The following DOCK10 variants were observed in gnomAD, a reference collection of about 807,000 sequenced individuals.
DOCK10 encodes the protein dedicator of cytokinesis 10, also known as dedicator of cytokinesis protein 10.
In DOCK10, 145 loss-of-function variants were observed where a neutral mutation model predicts 280.1. The observed-to-expected ratio is 0.52, with a 90% confidence interval of 0.45 to 0.59. The LOEUF (loss-of-function observed/expected upper bound fraction) is 0.59. Ranked by LOEUF, DOCK10 falls within the 20% of genes least tolerant of loss-of-function variation. The pLI is 0.00. For missense variants in DOCK10, 2,368 were observed against 2,651.7 expected (o/e 0.89, Z 2.35); for synonymous variants, 915 against 942.2 (o/e 0.97, Z 0.53).
intron 2 of DOCK10, among the ~76,000 whole-genome samples, chr2:224,924,559 A>G (rs1171056589): frequency 6.6e-6 from 1 of 152,212 alleles, no homozygotes; most frequent in Non-Finnish European, 1.5e-5. Context: ...TAATAATGAC[A>G]TTCCATTTTA....
At chr2:225,000,199 C>T (rs1275491546) in intron 1 of DOCK10, among the ~76,000 whole-genome samples, 2 of 125,632 alleles carry the variant, frequency 1.6e-5, no homozygotes, top group Non-Finnish European at 3.5e-5. Context: ...GTCACACACA[C>T]ACACAGACAC....
At chr2:224,930,816 T>C (rs1342345104) in intron 2 of DOCK10, among the ~76,000 whole-genome samples, 1 of 152,234 alleles carries the variant, frequency 6.6e-6, no homozygotes, top group Admixed American at 6.5e-5. Context: ...GAAAGTTTAA[T>C]AGCTGCCCAT....
intron 44 of DOCK10, 34 bp downstream of exon 44, chr2:224,796,282 A>T: frequency 7.5e-7 from 1 of 1,325,288 alleles, no homozygotes; most frequent in Non-Finnish European, 1.1e-6. Context: ...ATTTAAAAAA[A>T]TTCTGCAGTA....
chr2:225,006,978 AG>A (rs1689288457), intron 1 of DOCK10, among the ~76,000 whole-genome samples: 1 of 152,228 alleles, frequency 6.6e-6, no homozygotes, highest in Admixed American at 6.5e-5. Context: ...GTGTGAAGAC[AG>A]GCTAGAAGGT....
At chr2:224,793,377 C>A in intron 46 of DOCK10, 23 bp downstream of exon 46, 1 of 1,595,080 alleles carries the variant, frequency 6.3e-7, no homozygotes, top group Non-Finnish European at 8.5e-7. Flanking sequence ...AGGCTTTTTG[C>A]CTCCCTCATG....
intron 1 of DOCK10, among the ~76,000 whole-genome samples, chr2:225,041,703 C>T (rs1004648856): frequency 4.6e-5 from 7 of 152,150 alleles, no homozygotes; most frequent in African/African-American, 1.4e-4. Context: ...TTTTACCCTG[C>T]GGTGGGAGGG....
At chr2:224,879,954 G>A (rs1357191005) in intron 7 of DOCK10, among the ~76,000 whole-genome samples, 4 of 152,114 alleles carry the variant, frequency 2.6e-5, no homozygotes, top group Non-Finnish European at 4.4e-5. Flanking sequence ...TGCAAATAAT[G>A]TTAAAAGGGA....
chr2:224,865,072 C>G lies in DOCK10; in HGVS notation c.1273G>C (p.Val425Leu). 6.2e-7 allele frequency: 1 copy of G among 1,608,010 alleles called. No individual in the cohort carries two copies. The highest frequency in any genetic ancestry group is 8.5e-7 in the Non-Finnish European group (1 of 1,178,338). Reference sequence around the variant, plus strand: ...CTGAGGTCATAAAGTGCCACACTCACAAAAAAAGGCTCAATCTGCATGAAA... The same window carrying G: ...CTGAGGTCATAAAGTGCCACACTCAGAAAAAAAGGCTCAATCTGCATGAAA... ...DPITNIEPFF[V>L]SVALYDLRDS... The change falls in exon 12 of 56, where the codon GTG becomes CTG. Residue 425 changes from valine to leucine, a missense_variant. Val to Leu is a conservative substitution (Grantham distance 32). Coordinates refer to ENST00000258390, the MANE Select transcript of DOCK10 (RefSeq NM_014689.3).
intron 53 of DOCK10, 47 bp downstream of exon 53, chr2:224,773,110 G>T: frequency 6.7e-7 from 1 of 1,499,662 alleles, no homozygotes; most frequent in South Asian, 1.3e-5. Context: ...TTTTACACCT[G>T]GTTTCATTGG....
In DOCK10 at chr2:224,814,308, A is replaced by C; in HGVS notation, c.3409+12T>G. 2.0e-6 allele frequency: 3 copies of C among 1,510,736 alleles called. No individual in the cohort carries two copies. The highest frequency in any genetic ancestry group is 2.7e-6 in the Non-Finnish European group (3 of 1,125,284). 93.6% of individuals were successfully genotyped at this position (1,510,736 alleles called of 1,614,324 possible). A position where few individuals can be genotyped will look rare whatever the true frequency, so the allele number is the denominator to read the frequency against. Reference sequence around the variant, plus strand: ...GTGGTTACTGATGCTTAGGTAAGGTAATATCACTTACCTGATGCATGTAAC... The same window carrying C: ...GTGGTTACTGATGCTTAGGTAAGGTCATATCACTTACCTGATGCATGTAAC... On this transcript the variant is annotated intron_variant, in intron 31 of 55. Transcript: ENST00000258390.
chr2:225,038,159 T>C (rs1362988112), intron 1 of DOCK10, among the ~76,000 whole-genome samples: 1 of 152,200 alleles, frequency 6.6e-6, no homozygotes, highest in Non-Finnish European at 1.5e-5. Context: ...GCCCTTATAT[T>C]GCATATTGCT....
Position 224,786,875 on chromosome 2 carries a change from C to A in DOCK10, c.5655+147G>T, listed in dbSNP as rs1691767386. On this transcript the variant is annotated intron_variant, in intron 50 of 55. Coordinates refer to ENST00000258390, the MANE Select transcript of DOCK10 (RefSeq NM_014689.3). This position sits in a 1 kb window ranked among gnomAD's most constrained non-coding sequence, Gnocchi z 4.7. The stretch of plus-strand genomic sequence containing the variant: ...CATTCCTATGGATAAACATATAGAC[C>A]ATCACATCCAGAGAAACACTCAAGT... 4.6e-6 allele frequency: 3 copies of A among 648,974 alleles called. No homozygotes were observed. Among genetic ancestry groups the A allele is most frequent in the South Asian group, 1.8e-5 (1 of 54,792 alleles). 40.2% of individuals were successfully genotyped at this position (648,974 alleles called of 1,614,324 possible).
chr2:224,795,773 T>G (rs1027821551), intron 44 of DOCK10, among the ~76,000 whole-genome samples: 1 of 152,176 alleles, frequency 6.6e-6, no homozygotes, highest in Non-Finnish European at 1.5e-5. Context: ...AGACTTGGAC[T>G]TTTCAGTATA....
chr2:224,921,092 TAAA>T (rs781152272), intron 2 of DOCK10, among the ~76,000 whole-genome samples: 3,237 of 59,164 alleles, frequency 0.055, 145 homozygotes, highest in Middle Eastern at 0.083. Flanking sequence ...CCGTCTCTAT[TAAA>T]AAAAAAAAAA....
intron 2 of DOCK10, among the ~76,000 whole-genome samples, chr2:224,917,147 C>G (rs1559754392): frequency 7.8e-6 from 1 of 128,930 alleles, no homozygotes; most frequent in South Asian, 2.6e-4. Flanking sequence ...GCTCTGTCGC[C>G]CAGGCTGGAG....
intron 1 of DOCK10, among the ~76,000 whole-genome samples, chr2:224,994,180 T>C (rs1428635938): frequency 6.6e-6 from 1 of 152,240 alleles, no homozygotes; most frequent in African/African-American, 2.4e-5. Context: ...CTAATGGTGA[T>C]ATAAAGCTTC....
chr2:224,941,328 C>T (rs967586243), intron 1 of DOCK10, among the ~76,000 whole-genome samples: 2 of 152,054 alleles, frequency 1.3e-5, no homozygotes, highest in African/African-American at 4.8e-5. Context: ...TCCACTCTAC[C>T]AGCAAAGAAC....
rs747974768 is a variant in DOCK10, at chr2:224,957,140, C to A, written c.124-25472G>T. On this transcript the variant is annotated intron_variant, in intron 1 of 55. Coordinates refer to ENST00000258390, the MANE Select transcript of DOCK10 (RefSeq NM_014689.3). ...CCTGGCTGGCCTCTACCCATGGATA[C>A]CAGTAGCAAACTCCCCGCCCTCTGC... 2.5e-4 allele frequency among the ~76,000 whole-genome samples: 38 copies of A among 152,232 alleles called. No individual in the cohort carries two copies. In the South Asian group the frequency reaches 5.0e-3, roughly 20 times the overall value.
intron 44 of DOCK10, among the ~76,000 whole-genome samples, 189 bp downstream of exon 44, chr2:224,796,127 T>C (rs1403937478): frequency 6.6e-6 from 1 of 152,010 alleles, no homozygotes; most frequent in Non-Finnish European, 1.5e-5. Flanking sequence ...GGTGCCATCA[T>C]AGCTCACTGC....
Sources: allele counts gnomAD v4.1 joint callset (sites outside exome capture counted in the v4.1 genomes callset), GRCh38; gene constraint gnomAD v4.1.1; non-coding constraint Gnocchi (gnomAD v3.1); transcripts MANE v1.5; gene names NCBI Gene and HGNC (gene_info 2026-07-23, HGNC 2026-07-21).